The following PRMT3 variants were observed in gnomAD, a reference collection of about 807,000 sequenced individuals.
PRMT3 encodes protein arginine N-methyltransferase 3.
A neutral mutation model predicts 71.9 loss-of-function variants in PRMT3; 62 were observed. The ratio of observed to expected loss-of-function variants is 0.86; its 90% CI spans 0.70 to 1.07. The LOEUF (loss-of-function observed/expected upper bound fraction) is 1.07, where lower values mean the gene tolerates loss of function less well. Ranked by LOEUF, PRMT3 falls within the 50% of genes least tolerant of loss-of-function variation. The probability of loss-of-function intolerance (pLI) is 0.00; values close to 1 mark genes in which losing one functional copy is unlikely to be tolerated. For missense variants in PRMT3, 663 were observed against 643.0 expected (o/e 1.03, Z -0.34); for synonymous variants, 213 against 220.4 (o/e 0.97, Z 0.30).
In PRMT3 at chr11:20,508,853, T is replaced by C. The variant is rs1851661524; in HGVS notation, c.*440T>C. ...TATTATGGACTCCTCTGAGGAGGAG[T>C]TTTTAATTGTATTTGCTAGAAAATC... On this transcript the variant is annotated 3_prime_UTR_variant, in exon 16 of 16. Transcript: ENST00000331079. The C allele has an allele frequency of 1.1e-5, 2 of 187,272 alleles. No individual in the cohort carries two copies. Among genetic ancestry groups the C allele is most frequent in the Non-Finnish European group, 1.1e-5 (1 of 87,372 alleles). The allele number at this position is 187,272 out of a possible 1,614,324, so 11.6% of individuals were successfully genotyped here.
chr11:20,421,101 A>G (rs1012349522), intron 9 of PRMT3, among the ~76,000 whole-genome samples: 8 of 152,134 alleles, frequency 5.3e-5, no homozygotes, highest in African/African-American at 1.9e-4. Context: ...TGCACTGGCA[A>G]GGTCATGTCT....
At chr11:20,485,027 T>C (rs1178194235) in intron 13 of PRMT3, among the ~76,000 whole-genome samples, 1 of 152,146 alleles carries the variant, frequency 6.6e-6, no homozygotes, top group Admixed American at 6.5e-5. Context: ...CTCACGTGGA[T>C]AGGAATACAA....
chr11:20,415,728 A>T (rs957009191), intron 9 of PRMT3, among the ~76,000 whole-genome samples: 1 of 152,168 alleles, frequency 6.6e-6, no homozygotes, highest in Non-Finnish European at 1.5e-5. Context: ...ACAAGTGTGC[A>T]TGATGAATCT....
intron 13 of PRMT3, among the ~76,000 whole-genome samples, chr11:20,470,477 C>T (rs1850617385): frequency 6.6e-6 from 1 of 152,150 alleles, no homozygotes; most frequent in Non-Finnish European, 1.5e-5. Flanking sequence ...TAAGTGAGAA[C>T]ATGTGGTGTT....
intron 9 of PRMT3, among the ~76,000 whole-genome samples, chr11:20,424,791 C>G (rs72934239): frequency 1.8e-4 from 27 of 152,156 alleles, no homozygotes; most frequent in Non-Finnish European, 3.5e-4. Context: ...GAATTTATGT[C>G]CAGAATATGT....
At chr11:20,390,455 G>A (rs1196028859) in intron 3 of PRMT3, among the ~76,000 whole-genome samples, 3 of 151,404 alleles carry the variant, frequency 2.0e-5, no homozygotes, top group Admixed American at 2.0e-4. Context: ...GAAAAAGGAC[G>A]CAGGTCATTT....
At chr11:20,407,067 C>G (rs1849087316) in intron 8 of PRMT3, 1 of 152,074 alleles carries the variant, frequency 6.6e-6, no homozygotes, top group African/African-American at 2.4e-5. Flanking sequence ...ACTGGACTCC[C>G]TAGGTCATGA....
rs1315260154 is a variant in PRMT3 at position 20,441,301 on chromosome 11, TTATTTATTTATTTATA to T, written c.994-10823_994-10808del. On this transcript the variant is annotated intron_variant, in intron 10 of 15. Coordinates refer to ENST00000331079, the MANE Select transcript of PRMT3 (RefSeq NM_005788.4). Reference sequence around the variant, plus strand: ...TTTATTTATTTATTTATTTATTTATTTATTTATTTATTTATATATTTTGAGATGGAGTCTCGCTCTT... The same window carrying T: ...TTTATTTATTTATTTATTTATTTATTTATTTTGAGATGGAGTCTCGCTCTT... 9.6e-3 allele frequency among the ~76,000 whole-genome samples: 1,402 copies of T among 146,578 alleles called. 17 individuals carry two copies. The highest frequency in any genetic ancestry group is 0.033 in the African/African-American group (1,347 of 40,414).
At chr11:20,497,748 G>T (rs1851365751) in intron 15 of PRMT3, among the ~76,000 whole-genome samples, 1 of 152,176 alleles carries the variant, frequency 6.6e-6, no homozygotes, top group Non-Finnish European at 1.5e-5. Flanking sequence ...GTGTACCAAG[G>T]AGTTCTCAGT....
At chr11:20,418,400 T>A (rs971696209) in intron 9 of PRMT3, among the ~76,000 whole-genome samples, 2 of 152,196 alleles carry the variant, frequency 1.3e-5, no homozygotes, top group Non-Finnish European at 2.9e-5. Flanking sequence ...GTCAGTGATA[T>A]CTGTTTTAAT....
intron 8 of PRMT3, among the ~76,000 whole-genome samples, chr11:20,405,288 T>C (rs1325578004): frequency 6.6e-6 from 1 of 152,136 alleles, no homozygotes; most frequent in East Asian, 1.9e-4. Context: ...TTCTTTATGC[T>C]TGTGATTATT....
At position 20,402,958 on chromosome 11, in the gene PRMT3, C is replaced by T. The variant is rs1163205003; in HGVS notation, c.745C>T (p.Gln249Ter). 1.2e-5 allele frequency: 19 copies of T among 1,606,300 alleles called. No individual in the cohort carries two copies. The Admixed American group carries it at 3.2e-4, about 27-fold the overall frequency. ...RTESYRDFIY[Q>*]NPHIFKDKVV... ...AGAAAGCTACCGAGATTTCATATAC[C>T]AAAATCCACATATCTTCAAAGACAA... Residue 249 changes from glutamine to a stop codon, truncating the protein, a stop_gained, in exon 8 of 16, where the codon CAA becomes TAA. Coordinates refer to ENST00000331079, the MANE Select transcript of PRMT3 (RefSeq NM_005788.4). LOFTEE classifies it high-confidence loss of function.
At chr11:20,470,103 A>C (rs568165041) in intron 13 of PRMT3, among the ~76,000 whole-genome samples, 1 of 152,298 alleles carries the variant, frequency 6.6e-6, no homozygotes, top group Admixed American at 6.5e-5. Context: ...CACCTAGGCT[A>C]TATACTATAG....
chr11:20,473,268 C>G (rs1188513642), intron 13 of PRMT3, among the ~76,000 whole-genome samples: 1 of 151,838 alleles, frequency 6.6e-6, no homozygotes, highest in Non-Finnish European at 1.5e-5. Flanking sequence ...TTGTCTTCTG[C>G]TAGGTTTGGG....
intron 7 of PRMT3, 142 bp from the exon 8 acceptor site, chr11:20,402,777 G>T: frequency 8.6e-6 from 5 of 580,538 alleles, no homozygotes; most frequent in South Asian, 4.8e-5. Flanking sequence ...TGTTTTCTTA[G>T]GAAAAAAATA....
chr11:20,422,307 C>T (rs976243323), intron 9 of PRMT3, among the ~76,000 whole-genome samples: 2 of 151,928 alleles, frequency 1.3e-5, no homozygotes, highest in African/African-American at 4.8e-5. Flanking sequence ...TTACTGAATA[C>T]TCTCAGAACA....
At chr11:20,416,731 C>G (rs868863182) in intron 9 of PRMT3, among the ~76,000 whole-genome samples, 9 of 152,038 alleles carry the variant, frequency 5.9e-5, no homozygotes, top group Non-Finnish European at 1.0e-4. Context: ...CACAGCTACA[C>G]ATTTGTAAAT....
In PRMT3 at chr11:20,452,161, AT is replaced by A; in HGVS notation, c.1027del (p.Ser343LeufsTer26). ...TTTCTTCTGTTTGAGTCTATGTTAG[AT>A]TCTGTCCTTTATGCAAAGAACAAAT... ...GYFLLFESML[D>X]SVLYAKNKYL... On this transcript the variant is annotated frameshift_variant, in exon 11 of 16. Transcript: ENST00000331079. LOFTEE classifies it high-confidence loss of function. 6.2e-7 allele frequency: 1 copy of A among 1,610,592 alleles called. No homozygotes were observed. Among genetic ancestry groups the A allele is most frequent in the Non-Finnish European group, 8.5e-7 (1 of 1,177,426 alleles).
In PRMT3 at chr11:20,501,465, C is replaced by T. The variant is rs150779558; in HGVS notation, c.1487-6839C>T. On this transcript the variant is annotated intron_variant, in intron 15 of 15. Coordinates refer to ENST00000331079, the MANE Select transcript of PRMT3 (RefSeq NM_005788.4). ...TGGTGTTACCAGAAATTTCATCATA[C>T]TATTGCACTTGAGCAGGTTAATATT... is the stretch of plus-strand genomic sequence containing the variant. Among the ~76,000 whole-genome samples the T allele has an allele frequency of 3.5e-4, 54 of 152,208 alleles. No individual in the cohort carries two copies. The East Asian group carries it at 0.01, about 29-fold the overall frequency.
Sources: gnomAD v4.1 joint callset for allele counts (sites outside exome capture counted in the v4.1 genomes callset) on GRCh38, gnomAD v4.1.1 for gene constraint, MANE v1.5 for transcripts, NCBI Gene and HGNC (gene_info 2026-07-23, HGNC 2026-07-21) for gene names.